The following PAPLN variants were observed in gnomAD, a reference collection of about 807,000 sequenced individuals.
PAPLN encodes papilin, proteoglycan like sulfated glycoprotein.
Under a neutral mutation model 159.0 loss-of-function variants are expected in PAPLN, and 146 were observed. That is an observed-to-expected ratio of 0.92 (90% CI 0.80 to 1.05). The LOEUF is 1.05. PAPLN is among the 50% of genes least tolerant of loss of function. The pLI is 0.00. For missense variants in PAPLN, 1,720 were observed against 1,743.9 expected (o/e 0.99, Z 0.24); for synonymous variants, 734 against 702.9 (o/e 1.04, Z -0.70).
At position 73,266,591 on chromosome 14, in the gene PAPLN, G is replaced by C; in HGVS notation, c.3354G>C (p.Gln1118His). The stretch of plus-strand genomic sequence containing the variant: ...ACACCTGTGTCGCTTTCAATGGGCA[G>C]GACCGAGACCAGCGATGGGTCCAGC... ...GFYTCVAFNG[Q>H]DRDQRWVQLR... Residue 1118 changes from glutamine to histidine, a missense_variant, in exon 24 of 27, where the codon CAG (glutamine) becomes CAC (histidine). Physicochemically the swap from Gln to His is conservative, Grantham distance 24. Coordinates refer to ENST00000644200, the MANE Select transcript of PAPLN (RefSeq NM_001365906.3). 2 of 1,614,198 alleles carry C rather than the reference G, an allele frequency of 1.2e-6. No homozygotes were observed. Among genetic ancestry groups the C allele is most frequent in the African/African-American group, 1.3e-5 (1 of 75,052 alleles).
chr14:73,271,754 C>T (rs1352563629), intron 26 of PAPLN, among the ~76,000 whole-genome samples: 3 of 152,158 alleles, frequency 2.0e-5, no homozygotes, highest in South Asian at 4.1e-4. Flanking sequence ...CCCGCCTTGG[C>T]CTCCCAAAGT....
rs1190528444 is a variant in PAPLN, at chr14:73,259,066, G to T, written c.1708+7G>T. The T allele has an allele frequency of 6.2e-7, 1 of 1,608,006 alleles. No individual in the cohort carries two copies. The highest frequency in any genetic ancestry group is 1.3e-5 in the African/African-American group (1 of 74,850). On this transcript the variant is annotated splice_region_variant and intron_variant, in intron 15 of 26. Transcript: ENST00000644200. ...CAGGAGTCCCCTGCCTCAGGTGAGAGCCTGGTCCCGTCCCCCACTCAGAGC... is the reference window on the plus strand; with the variant it reads ...CAGGAGTCCCCTGCCTCAGGTGAGATCCTGGTCCCGTCCCCCACTCAGAGC...
At chr14:73,254,175 C>T (rs1186394414) in intron 12 of PAPLN, among the ~76,000 whole-genome samples, 9 of 152,132 alleles carry the variant, frequency 5.9e-5, no homozygotes, top group African/African-American at 2.2e-4. Context: ...CAGGGCAGGG[C>T]AGGAAAGGCC....
At position 73,239,563 on chromosome 14, in the gene PAPLN, G is replaced by T. The variant is rs2140171108; in HGVS notation, c.-6-210G>T. On this transcript the variant is annotated intron_variant, in intron 1 of 26. Coordinates refer to ENST00000644200, the MANE Select transcript of PAPLN (RefSeq NM_001365906.3). ...TTGAACTTCTGCCAGTTGCGGATGG[G>T]CCATTCCTTTCTTGCTCACATGTTG... is the stretch of plus-strand genomic sequence containing the variant. 1.1e-5 allele frequency: 9 copies of T among 823,464 alleles called. No individual in the cohort carries two copies. The South Asian group carries it at 1.7e-4, about 16-fold the overall frequency. The allele number at this position is 823,464 out of a possible 1,614,324, so 51.0% of individuals were successfully genotyped here.
Position 73,253,909 on chromosome 14 carries a change from A to G in PAPLN, c.1250A>G (p.Gln417Arg). The change falls in exon 12 of 27, where the codon CAG (glutamine) becomes CGG (arginine). Residue 417 changes from glutamine to arginine, a missense_variant. Physicochemically the swap from Gln to Arg is conservative, Grantham distance 43 (BLOSUM62 1). Coordinates refer to ENST00000644200, the MANE Select transcript of PAPLN (RefSeq NM_001365906.3). ...AGLPGKPPAI[Q>R]ACNLQRCAAW... is the part of the protein sequence containing the mutation. ...CTGCCTGGGAAGCCCCCTGCCATTC[A>G]GGCCTGTAACCTGCAGCGCTGTGCA... is the stretch of plus-strand genomic sequence containing the variant. 6.2e-7 allele frequency: 1 copy of G among 1,613,244 alleles called. No individual in the cohort carries two copies. The highest frequency in any genetic ancestry group is 8.5e-7 in the Non-Finnish European group (1 of 1,179,906).
chr14:73,253,868 G>A lies in PAPLN; in HGVS notation c.1209G>A (p.Glu403=), dbSNP rs1319070367. The A allele has an allele frequency of 6.2e-7, 1 of 1,613,492 alleles. No homozygotes were observed. The highest frequency in any genetic ancestry group is 1.3e-5 in the African/African-American group (1 of 74,926). Residue 403 remains glutamate (E), a synonymous_variant, in exon 12 of 27, where the codon GAG becomes GAA. Coordinates refer to ENST00000644200, the MANE Select transcript of PAPLN (RefSeq NM_001365906.3). ...CCGGCATCCAGGAGGCCGTGGAGGA[G>A]GCTGAGTGTGCCGGGCTGCCTGGGA... The part of the protein sequence containing the change: ...DGAGIQEAVE[E]AECAGLPGKP...
At chr14:73,239,207 A>G (rs1030499935) in intron 1 of PAPLN, among the ~76,000 whole-genome samples, 1 of 152,058 alleles carries the variant, frequency 6.6e-6, no homozygotes, top group African/African-American at 2.4e-5. Context: ...CGCACACTGC[A>G]CGGCGCACAC....
intron 5 of PAPLN, among the ~76,000 whole-genome samples, chr14:73,248,335 G>T (rs1396953042): frequency 6.6e-6 from 1 of 151,936 alleles, no homozygotes. Context: ...ATTCCCCCTG[G>T]ATCCTGAAGT....
chr14:73,272,530 T>A lies in PAPLN; in HGVS notation c.3703T>A (p.Cys1235Ser), dbSNP rs1887833744. The change falls in exon 27 of 27, where the codon TGC becomes AGC. Residue 1235 changes from cysteine (C) to serine (S), a missense_variant. Physicochemically the swap from Cys to Ser is moderately radical, Grantham distance 112 (BLOSUM62 -1). Coordinates refer to ENST00000644200, the MANE Select transcript of PAPLN (RefSeq NM_001365906.3). ...CCAGCCCAGGGACCCTGGCAGGGAC[T>A]GCGTCGACCAGCCAGAGCTGGCCAA... ...TAQPRDPGRD[C>S]VDQPELANCD... The A allele has an allele frequency of 1.3e-6, 2 of 1,582,256 alleles. No homozygotes were observed. Among genetic ancestry groups the A allele is most frequent in the Non-Finnish European group, 1.7e-6 (2 of 1,155,370 alleles).
chr14:73,256,916 AATAAG>A (rs1885978192), intron 14 of PAPLN, among the ~76,000 whole-genome samples: 1 of 152,138 alleles, frequency 6.6e-6, no homozygotes, highest in Non-Finnish European at 1.5e-5. Flanking sequence ...AAAATAATAA[AATAAG>A]TAAATATTTC....
At chr14:73,237,837 G>A (rs145686409) in intron 1 of PAPLN, among the ~76,000 whole-genome samples, 1 of 152,120 alleles carries the variant, frequency 6.6e-6, no homozygotes, top group African/African-American at 2.4e-5. Context: ...GGTGCGGGAC[G>A]GCCCCGGCGC....
chr14:73,251,406 T>C, intron 7 of PAPLN, 80 bp from the exon 8 acceptor site: 1 of 1,401,914 alleles, frequency 7.1e-7, no homozygotes. Context: ...TTCTGTGCTG[T>C]GTGGCACTTG....
chr14:73,246,452 A>G (rs1244227644), intron 5 of PAPLN, among the ~76,000 whole-genome samples: 3 of 137,286 alleles, frequency 2.2e-5, no homozygotes, highest in East Asian at 4.2e-4. Context: ...CTCGCAATGT[A>G]CAGGAAATCT....
chr14:73,259,623 G>C, intron 16 of PAPLN, 78 bp downstream of exon 16: 1 of 1,410,460 alleles, frequency 7.1e-7, no homozygotes. Flanking sequence ...CAACATCTCT[G>C]ATCAGAAGAG....
chr14:73,246,084 C>G lies in PAPLN; in HGVS notation c.243C>G (p.Asp81Glu), dbSNP rs555169475. Residue 81 changes from aspartate (D) to glutamate (E), a missense_variant, in exon 5 of 27, where the codon GAC becomes GAG. Transcript: ENST00000644200. Reference sequence around the variant, plus strand: ...CCTCCGCCCCGCAGAGCTGCCCCGACGGCGCCCGGGACTTCCGGGCCGAGC... The same window carrying G: ...CCTCCGCCCCGCAGAGCTGCCCCGAGGGCGCCCGGGACTTCCGGGCCGAGC... The part of the protein sequence containing the change: ...HRSCRTESCP[D>E]GARDFRAEQC... 1 of 1,561,556 alleles carries G rather than the reference C, an allele frequency of 6.4e-7. No individual in the cohort carries two copies. Among genetic ancestry groups the G allele is most frequent in the Non-Finnish European group, 8.6e-7 (1 of 1,157,842 alleles).
chr14:73,247,592 G>A (rs1347664164), intron 5 of PAPLN, among the ~76,000 whole-genome samples: 2 of 148,070 alleles, frequency 1.4e-5, no homozygotes, highest in African/African-American at 5.0e-5. Flanking sequence ...CTCTGTGCGT[G>A]TGTGTGTGTG....
rs1397797433 is a variant in PAPLN, at chr14:73,245,603, C to G, written c.171-33C>G. The G allele has an allele frequency of 6.5e-7, 1 of 1,548,988 alleles. No individual in the cohort carries two copies. The highest frequency in any genetic ancestry group is 2.0e-5 in the Admixed American group (1 of 51,242). ...GAACGGGGGCAGGGACGTTGGGTCT[C>G]GGTCAGGTCTTCCCGGTGCTCTGGT... On this transcript the variant is annotated intron_variant, in intron 3 of 26. Transcript: ENST00000644200. This position sits in a 1 kb window ranked among gnomAD's most constrained non-coding sequence, Gnocchi z 4.2.
chr14:73,272,581 C>T lies in PAPLN; in HGVS notation c.3754C>T (p.Leu1252Phe). Residue 1252 changes from leucine to phenylalanine, a missense_variant, in exon 27 of 27, where the codon CTT becomes TTT. Physicochemically the swap from Leu to Phe is conservative, Grantham distance 22 (BLOSUM62 0). Coordinates refer to ENST00000644200, the MANE Select transcript of PAPLN (RefSeq NM_001365906.3). ...ANCDLILQAQ[L>F]CGNEYYSSFC... ...CTGTGATTTGATCCTGCAGGCCCAG[C>T]TTTGTGGCAATGAGTATTACTCCAG... 3.1e-6 allele frequency: 5 copies of T among 1,605,132 alleles called. No homozygotes were observed. Among genetic ancestry groups the T allele is most frequent in the Non-Finnish European group, 4.3e-6 (5 of 1,172,522 alleles).
rs1350289075 is a variant in PAPLN at position 73,250,978 on chromosome 14, C to T, written c.537C>T (p.Gly179=). ...AGTGTCTGCGGTGTGGGGGTGACGG[C>T]ACGACCTGCTACCCCGTCGCAGGCA... ...EDKCLRCGGD[G]TTCYPVAGTF... is the part of the protein sequence containing the mutation. The change falls in exon 7 of 27, where the codon GGC becomes GGT. Residue 179 remains glycine, a synonymous_variant. Coordinates refer to ENST00000644200, the MANE Select transcript of PAPLN (RefSeq NM_001365906.3). 7 of 1,613,550 alleles carry T rather than the reference C, an allele frequency of 4.3e-6. No individual in the cohort carries two copies. The highest frequency in any genetic ancestry group is 5.9e-6 in the Non-Finnish European group (7 of 1,179,872).
Sources: gnomAD v4.1 joint callset for allele counts (sites outside exome capture counted in the v4.1 genomes callset) on GRCh38, gnomAD v4.1.1 for gene constraint, Gnocchi (gnomAD v3.1) non-coding constraint, MANE v1.5 for transcripts, NCBI Gene and HGNC (gene_info 2026-07-23, HGNC 2026-07-21) for gene names.